ASTN2: variants seen among roughly 807,000 people sequenced by gnomAD.
The protein encoded by ASTN2 is astrotactin-2.
In ASTN2, 54 loss-of-function variants were observed where a neutral mutation model predicts 139.8. That is an observed-to-expected ratio of 0.39 (90% confidence interval 0.31 to 0.48). The LOEUF is 0.48. Among genes scored for constraint, ASTN2 ranks in the 20% least tolerant of loss-of-function variants. The pLI is 0.95. For missense variants in ASTN2, 1,565 were observed against 1,725.1 expected (o/e 0.91, Z 1.64); for synonymous variants, 756 against 719.5 (o/e 1.05, Z -0.81).
chr9:117,088,918 G>A (rs577040422), intron 5 of ASTN2, among the ~76,000 whole-genome samples: 5 of 152,260 alleles, frequency 3.3e-5, no homozygotes, highest in African/African-American at 7.2e-5. Flanking sequence ...TAACAGCTCC[G>A]TCTCCTGCTC....
At chr9:117,223,432 A>G (rs1307795457) in intron 2 of ASTN2, among the ~76,000 whole-genome samples, 2 of 152,188 alleles carry the variant, frequency 1.3e-5, no homozygotes, top group Non-Finnish European at 2.9e-5. Flanking sequence ...CTAGTCTAAG[A>G]GAGATGATGA....
At chr9:116,493,328 T>TC (rs1849574805) in intron 19 of ASTN2, among the ~76,000 whole-genome samples, 1 of 152,158 alleles carries the variant, frequency 6.6e-6, no homozygotes. Flanking sequence ...CGTCCAAGTC[T>TC]CTAACATTCT....
At chr9:117,084,798 G>A (rs1359794889) in intron 5 of ASTN2, among the ~76,000 whole-genome samples, 5 of 152,214 alleles carry the variant, frequency 3.3e-5, no homozygotes, top group African/African-American at 7.2e-5. Context: ...GGTGGTTCTC[G>A]ATGCTGGCTA....
At chr9:117,075,470 G>A (rs1195098205) in intron 5 of ASTN2, among the ~76,000 whole-genome samples, 1 of 151,560 alleles carries the variant, frequency 6.6e-6, no homozygotes, top group Non-Finnish European at 1.5e-5. Context: ...ACTAGAGTCT[G>A]GCAGTGGTGG....
chr9:117,368,674 T>G (rs562655568), intron 1 of ASTN2, among the ~76,000 whole-genome samples: 60 of 152,332 alleles, frequency 3.9e-4, no homozygotes, highest in Middle Eastern at 3.4e-3. Context: ...CAGAACTCCC[T>G]TAGTTTCCAG....
At chr9:116,940,825 C>T (rs748268215) in intron 10 of ASTN2, among the ~76,000 whole-genome samples, 2 of 152,230 alleles carry the variant, frequency 1.3e-5, no homozygotes, top group Admixed American at 6.5e-5. Flanking sequence ...GAACAACTTC[C>T]GGTCCCGCAA....
At chr9:117,102,800 G>A (rs1304244585) in intron 4 of ASTN2, among the ~76,000 whole-genome samples, 1 of 152,100 alleles carries the variant, frequency 6.6e-6, no homozygotes, top group Non-Finnish European at 1.5e-5. Flanking sequence ...GGGATTACAG[G>A]CGTGAGTAAC....
At chr9:116,931,767 T>C (rs1834904828) in intron 10 of ASTN2, among the ~76,000 whole-genome samples, 1 of 152,136 alleles carries the variant, frequency 6.6e-6, no homozygotes, top group Non-Finnish European at 1.5e-5. Context: ...CATACAAATA[T>C]CACATCTCTT....
chr9:116,815,646 A>C lies in ASTN2; in HGVS notation c.2207+4971T>G, dbSNP rs181268128. 3.6e-3 allele frequency among the ~76,000 whole-genome samples: 540 copies of C among 151,744 alleles called. 2 individuals are homozygous for C. The highest frequency in any genetic ancestry group is 0.012 in the African/African-American group (498 of 41,364). Reference sequence around the variant, plus strand: ...CGGTGAAACCCCATCTCTACTAAAAATATAAAAAATTAGTCGGGCGCGGTG... The same window carrying C: ...CGGTGAAACCCCATCTCTACTAAAACTATAAAAAATTAGTCGGGCGCGGTG... On this transcript the variant is annotated intron_variant, in intron 12 of 22. Transcript: ENST00000313400.
chr9:116,657,748 C>T (rs567334927), intron 16 of ASTN2, among the ~76,000 whole-genome samples: 5 of 152,178 alleles, frequency 3.3e-5, no homozygotes, highest in African/African-American at 7.2e-5. Flanking sequence ...GGCTGAGGCA[C>T]GAGAATCACT....
intron 19 of ASTN2, among the ~76,000 whole-genome samples, chr9:116,541,437 A>G (rs1163634339): frequency 6.6e-6 from 1 of 152,214 alleles, no homozygotes; most frequent in Admixed American, 6.5e-5. Context: ...AGCAGGCCCC[A>G]ACACATGGAA....
In ASTN2 at chr9:117,359,692, G is replaced by A. The variant is rs147905646; in HGVS notation, c.442+54805C>T. On this transcript the variant is annotated intron_variant, in intron 1 of 22. Transcript: ENST00000313400. ...ACAGTGTAGATGTCATTCTAATGTC[G>A]TCTATACATTGAGGAAAGAACACAG... 1.7e-3 allele frequency among the ~76,000 whole-genome samples: 258 copies of A among 151,560 alleles called. 1 individual carries two copies. The highest frequency in any genetic ancestry group is 5.3e-3 in the African/African-American group (217 of 41,286).
intron 5 of ASTN2, among the ~76,000 whole-genome samples, chr9:117,043,909 A>AG (rs1040077275): frequency 3.2e-5 from 4 of 125,780 alleles, no homozygotes; most frequent in Non-Finnish European, 7.2e-5. Context: ...CTCTGTCTCA[A>AG]AAAAAAAAAA....
At chr9:116,533,844 A>C in intron 19 of ASTN2, among the ~76,000 whole-genome samples, 2 of 152,144 alleles carry the variant, frequency 1.3e-5, no homozygotes, top group Non-Finnish European at 2.9e-5. Context: ...TGTCTCTGCC[A>C]GGCTTTGGTA....
intron 20 of ASTN2, among the ~76,000 whole-genome samples, chr9:116,444,158 T>C (rs756486055): frequency 1.1e-4 from 17 of 152,112 alleles, no homozygotes; most frequent in African/African-American, 3.4e-4. Flanking sequence ...CAGAACCACA[T>C]AGTAATTACT....
At chr9:116,860,259 G>A (rs1832843238) in intron 11 of ASTN2, among the ~76,000 whole-genome samples, 1 of 152,146 alleles carries the variant, frequency 6.6e-6, no homozygotes, top group African/African-American at 2.4e-5. Context: ...GAACAGAAAT[G>A]AAATGAAATT....
chr9:117,145,292 T>C (rs1207259323), intron 3 of ASTN2, among the ~76,000 whole-genome samples: 1 of 152,082 alleles, frequency 6.6e-6, no homozygotes, highest in Non-Finnish European at 1.5e-5. Context: ...GCTGAGAACA[T>C]GAGCTTCTGT....
At chr9:116,882,910 G>A (rs1434032639) in intron 10 of ASTN2, among the ~76,000 whole-genome samples, 1 of 152,154 alleles carries the variant, frequency 6.6e-6, no homozygotes, top group Non-Finnish European at 1.5e-5. Context: ...GCCGAAGGGG[G>A]TGTAGTGAAA....
At chr9:116,502,563 A>C (rs1219967125) in intron 19 of ASTN2, among the ~76,000 whole-genome samples, 1 of 151,658 alleles carries the variant, frequency 6.6e-6, no homozygotes. Context: ...CTAGAAAGAC[A>C]GATAGAAATA....
Sources: gnomAD v4.1 joint callset for allele counts (sites outside exome capture counted in the v4.1 genomes callset) on GRCh38, gnomAD v4.1.1 for gene constraint, MANE v1.5 for transcripts, NCBI Gene and HGNC (gene_info 2026-07-23, HGNC 2026-07-21) for gene names.